Variants in AUTS2 observed in about 807,000 individuals in gnomAD.
The protein encoded by AUTS2 is activator of transcription and developmental regulator AUTS2.
AUTS2 carries 17 observed loss-of-function variants against 112.4 expected under a neutral mutation model. The ratio of observed to expected loss-of-function variants is 0.15; its 90% CI spans 0.10 to 0.23. The LOEUF (loss-of-function observed/expected upper bound fraction) is 0.23. Among genes scored for constraint, AUTS2 ranks in the 10% least tolerant of loss-of-function variants. The probability of loss-of-function intolerance (pLI) is 1.00; values close to 1 mark genes in which losing one functional copy is unlikely to be tolerated. For missense variants in AUTS2, 1,510 were observed against 1,701.6 expected (o/e 0.89, Z 1.98); for synonymous variants, 751 against 702.7 (o/e 1.07, Z -1.09).
chr7:69,636,486 C>CA (rs1338708657), intron 1 of AUTS2, among the ~76,000 whole-genome samples: 1 of 82,352 alleles, frequency 1.2e-5, no homozygotes, highest in Non-Finnish European at 2.9e-5. Context: ...CCGCGCCCCC[C>CA]CCCCCCCTTG....
intron 2 of AUTS2, among the ~76,000 whole-genome samples, chr7:69,962,028 C>A (rs1797451078): frequency 6.6e-6 from 1 of 152,112 alleles, no homozygotes; most frequent in African/African-American, 2.4e-5. Context: ...CTTGTTTTTG[C>A]TTGCCCTGAT....
intron 2 of AUTS2, among the ~76,000 whole-genome samples, chr7:69,926,958 C>A (rs1796041398): frequency 6.9e-6 from 1 of 144,714 alleles, no homozygotes; most frequent in East Asian, 2.0e-4. Flanking sequence ...AGATATATAA[C>A]ATATATATTA....
chr7:69,978,910 GCA>G (rs1183027810), intron 2 of AUTS2, among the ~76,000 whole-genome samples: 1 of 108,152 alleles, frequency 9.2e-6, no homozygotes, highest in Non-Finnish European at 2.0e-5. Context: ...ACGCACACAC[GCA>G]CACACACACG....
At chr7:70,146,305 G>A (rs928745149) in intron 4 of AUTS2, among the ~76,000 whole-genome samples, 1 of 145,372 alleles carries the variant, frequency 6.9e-6, no homozygotes, top group Non-Finnish European at 1.5e-5. Flanking sequence ...GCTGTGATGT[G>A]TACATTGTGT....
rs1375860409 is a variant in AUTS2, at chr7:70,790,300, G to C, written c.3084G>C (p.Val1028=). Residue 1028 remains valine (V), a synonymous_variant, in exon 19 of 19, where the codon GTG becomes GTC. Transcript: ENST00000342771. The surrounding 1 kb of genome is among the most constrained non-coding windows in gnomAD (Gnocchi z 7.6). The part of the protein sequence containing the change: ...PLASMPMTVG[V]TGIHPMNSIS... Reference sequence around the variant, plus strand: ...CCTCGATGCCCATGACGGTGGGGGTGACGGGCATTCACCCCATGAACAGCA... The same window carrying C: ...CCTCGATGCCCATGACGGTGGGGGTCACGGGCATTCACCCCATGAACAGCA... 1 of 1,613,498 alleles carries C rather than the reference G, an allele frequency of 6.2e-7. No homozygotes were observed. Among genetic ancestry groups the C allele is most frequent in the African/African-American group, 1.3e-5 (1 of 74,940 alleles).
chr7:70,325,494 G>A (rs1193161118), intron 4 of AUTS2, among the ~76,000 whole-genome samples: 1 of 152,110 alleles, frequency 6.6e-6, no homozygotes, highest in Non-Finnish European at 1.5e-5. Context: ...GTGTGTCCTA[G>A]ATATGGGCGT....
chr7:70,052,514 C>T (rs952001199), intron 2 of AUTS2, among the ~76,000 whole-genome samples: 12 of 152,280 alleles, frequency 7.9e-5, no homozygotes, highest in Admixed American at 3.3e-4. Flanking sequence ...ACAGGTTGTT[C>T]ACTGCATGAA....
intron 4 of AUTS2, among the ~76,000 whole-genome samples, chr7:70,303,227 C>A (rs1203322020): frequency 6.6e-6 from 1 of 152,094 alleles, no homozygotes. Flanking sequence ...ACATGCCACC[C>A]CCACTTCCAC....
At chr7:69,670,895 A>G (rs1228333193) in intron 1 of AUTS2, among the ~76,000 whole-genome samples, 1 of 152,088 alleles carries the variant, frequency 6.6e-6, no homozygotes, top group East Asian at 1.9e-4. Flanking sequence ...TAGGGTTTCT[A>G]TTTGAATAGA....
chr7:70,498,275 T>C (rs547436119), intron 5 of AUTS2, among the ~76,000 whole-genome samples: 1 of 152,356 alleles, frequency 6.6e-6, no homozygotes, highest in East Asian at 1.9e-4. Context: ...ATTTGAAAAC[T>C]TCTTAAATTC....
At chr7:70,076,833 A>C (rs1337419223) in intron 2 of AUTS2, among the ~76,000 whole-genome samples, 3 of 152,224 alleles carry the variant, frequency 2.0e-5, no homozygotes, top group Non-Finnish European at 2.9e-5. Context: ...AATTGTGAAA[A>C]CATAGTTGAA....
At chr7:70,427,031 T>A (rs1795466901) in intron 4 of AUTS2, among the ~76,000 whole-genome samples, 1 of 150,390 alleles carries the variant, frequency 6.6e-6, no homozygotes, top group Non-Finnish European at 1.5e-5. Flanking sequence ...AGAAACTATA[T>A]ATGGGAAGGG....
chr7:70,169,743 A>G (rs1285636707), intron 4 of AUTS2, among the ~76,000 whole-genome samples: 6 of 152,224 alleles, frequency 3.9e-5, no homozygotes, highest in African/African-American at 1.4e-4. Flanking sequence ...CCTCAAACTC[A>G]TTTAAATATC....
chr7:70,538,395 G>A lies in AUTS2; in HGVS notation c.690+102614G>A, dbSNP rs57448241. ...ATACAAAAATTGGTCGGGTGTGGTGGCAGGCGGCTGTCTGCCACCTGCTAC... is the reference window on the plus strand; with the variant it reads ...ATACAAAAATTGGTCGGGTGTGGTGACAGGCGGCTGTCTGCCACCTGCTAC... On this transcript the variant is annotated intron_variant, in intron 5 of 18. Transcript: ENST00000342771. Among the ~76,000 whole-genome samples the A allele has an allele frequency of 3.0e-3, 464 of 152,166 alleles. 3 individuals carry two copies. Among genetic ancestry groups the A allele is most frequent in the African/African-American group, 0.011 (453 of 41,522 alleles).
intron 1 of AUTS2, among the ~76,000 whole-genome samples, chr7:69,814,884 G>C (rs6958450): frequency 6.6e-6 from 1 of 152,148 alleles, no homozygotes; most frequent in Non-Finnish European, 1.5e-5. Flanking sequence ...AAAAGCATTC[G>C]TGGCATCTTA....
Position 70,790,531 on chromosome 7 carries a change from G to C in AUTS2, c.3315G>C (p.Ser1105=), listed in dbSNP as rs1420874015. Residue 1105 remains serine (S), a synonymous_variant, in exon 19 of 19, where the codon TCG becomes TCC. Coordinates refer to ENST00000342771, the MANE Select transcript of AUTS2 (RefSeq NM_015570.4). This position sits in a 1 kb window ranked among gnomAD's most constrained non-coding sequence, Gnocchi z 7.6. ...LLRNDPLHRL[S]TPRLYEADRS... is the part of the protein sequence containing the mutation. The stretch of plus-strand genomic sequence containing the variant: ...GGAACGACCCGCTCCACCGGCTCTC[G>C]ACTCCCCGGCTGTACGAAGCCGACC... 6.2e-7 allele frequency: 1 copy of C among 1,607,968 alleles called. No homozygotes were observed. Among genetic ancestry groups the C allele is most frequent in the Non-Finnish European group, 8.5e-7 (1 of 1,177,696 alleles).
Position 70,763,344 on chromosome 7 carries a change from G to A in AUTS2, c.1214+3G>A, listed in dbSNP as rs769572562. The A allele has an allele frequency of 6.5e-7, 1 of 1,543,426 alleles. No individual in the cohort carries two copies. The highest frequency in any genetic ancestry group is 8.7e-7 in the Non-Finnish European group (1 of 1,143,388). On this transcript the variant is annotated splice_donor_region_variant and intron_variant, in intron 7 of 18. Coordinates refer to ENST00000342771, the MANE Select transcript of AUTS2 (RefSeq NM_015570.4). ...AGCTTAAGCCTCAACAGTTTAAGGT[G>A]AGTGGCCTGCTCTTCTTTGGCCTGA...
At chr7:70,413,688 G>GTTTTA (rs1554395493) in intron 4 of AUTS2, among the ~76,000 whole-genome samples, 1 of 151,696 alleles carries the variant, frequency 6.6e-6, no homozygotes, top group Admixed American at 6.6e-5. Flanking sequence ...GTTTTGTTTT[G>GTTTTA]TTTTTTTGAG....
chr7:70,109,809 G>A (rs1039200684), intron 2 of AUTS2, among the ~76,000 whole-genome samples: 3 of 152,112 alleles, frequency 2.0e-5, no homozygotes, highest in African/African-American at 4.8e-5. Flanking sequence ...GCTTGAATCC[G>A]TCCCTCAGGT....
Sources: gnomAD v4.1 joint callset for allele counts (sites outside exome capture counted in the v4.1 genomes callset) on GRCh38, gnomAD v4.1.1 for gene constraint, Gnocchi (gnomAD v3.1) non-coding constraint, MANE v1.5 for transcripts, NCBI Gene and HGNC (gene_info 2026-07-23, HGNC 2026-07-21) for gene names.